Variants in LIMS4 observed in about 807,000 individuals in gnomAD.
The protein encoded by LIMS4 is LIM zinc finger domain containing 4, also known as LIM and senescent cell antigen-like-containing domain protein 4.
At chr2:110,411,107 T>G in the LIMS4 span, among the ~76,000 whole-genome samples, 1 of 33,788 alleles carries the variant, frequency 3.0e-5, no homozygotes, top group South Asian at 1.3e-3. Context: ...TGTTTCACCA[T>G]GTTGGCCAGG....
At chr2:110,371,997 C>A in the LIMS4 span, among the ~76,000 whole-genome samples, 144 of 152,152 alleles carry the variant, frequency 9.5e-4, no homozygotes, top group Non-Finnish European at 2.4e-4. Context: ...TAGGGCCCAG[C>A]TTGCCAGGTG....
the LIMS4 span, among the ~76,000 whole-genome samples, chr2:110,425,621 T>A: frequency 7.0e-6 from 1 of 142,346 alleles, no homozygotes; most frequent in Non-Finnish European, 1.5e-5. Flanking sequence ...CCTTAACCCC[T>A]AAAGAGCAAG....
the LIMS4 span, among the ~76,000 whole-genome samples, chr2:110,365,917 A>C: frequency 5.7e-4 from 85 of 149,230 alleles, no homozygotes; most frequent in Non-Finnish European, 9.7e-4. Context: ...ACAAACTAGA[A>C]AACCTACAAA....
chr2:110,397,539 ATCATGTT>A, the LIMS4 span: 1 of 85,574 alleles, frequency 1.2e-5, no homozygotes, highest in Non-Finnish European at 2.4e-5. Flanking sequence ...GAAGAAAATA[ATCATGTT>A]TCATGGTTTT....
At chr2:110,411,948 T>A in the LIMS4 span, among the ~76,000 whole-genome samples, 1 of 3,862 alleles carries the variant, frequency 2.6e-4, no homozygotes, top group South Asian at 5.8e-3. Flanking sequence ...AACTTCTAAG[T>A]GTCCTGCGTT....
chr2:110,407,362 GGGGGT>G, the LIMS4 span, among the ~76,000 whole-genome samples: 1 of 14,598 alleles, frequency 6.9e-5, no homozygotes, highest in African/African-American at 2.4e-4. Context: ...AGCACCTGTA[GGGGGT>G]GACAGAGAAA....
chr2:110,360,573 T>G, the LIMS4 span: 1 of 908,128 alleles, frequency 1.1e-6, no homozygotes, highest in South Asian at 1.7e-5. Context: ...TATGCCAATG[T>G]GGACAGGGAT....
chr2:110,379,418 TTA>T, the LIMS4 span, among the ~76,000 whole-genome samples: 4 of 132,872 alleles, frequency 3.0e-5, no homozygotes, highest in African/African-American at 1.0e-4. Context: ...ACTGGATTTA[TTA>T]TGTCAGACCT....
the LIMS4 span, chr2:110,360,593 G>A: frequency 1.0e-6 from 1 of 995,322 alleles, no homozygotes; most frequent in South Asian, 1.6e-5. Context: ...TTTTCCTCAT[G>A]GAGCGTCTGT....
the LIMS4 span, chr2:110,359,180 A>G: frequency 6.9e-6 from 1 of 145,546 alleles, no homozygotes; most frequent in African/African-American, 2.6e-5. Flanking sequence ...TCATACAGTT[A>G]TGATGGATGG....
chr2:110,411,507 C>G, the LIMS4 span, among the ~76,000 whole-genome samples: 1 of 136,266 alleles, frequency 7.3e-6, no homozygotes, highest in Non-Finnish European at 1.5e-5. Flanking sequence ...ACTGTTGTCC[C>G]CAGTGATGCT....
At chr2:110,425,263 T>C in the LIMS4 span, among the ~76,000 whole-genome samples, 3 of 142,910 alleles carry the variant, frequency 2.1e-5, no homozygotes, top group African/African-American at 5.8e-5. Flanking sequence ...GGCAAACCTA[T>C]AGTGGGCTAG....
At chr2:110,372,985 AC>A in the LIMS4 span, among the ~76,000 whole-genome samples, 1 of 135,194 alleles carries the variant, frequency 7.4e-6, no homozygotes, top group South Asian at 2.3e-4. Flanking sequence ...TCGACTGTGG[AC>A]CGTGAGAACC....
chr2:110,386,937 G>A, the LIMS4 span: 2 of 697,786 alleles, frequency 2.9e-6, no homozygotes, highest in Non-Finnish European at 5.1e-6. Flanking sequence ...TGCTGGGGGA[G>A]CGGGGACACT....
chr2:110,373,184 A>C, the LIMS4 span, among the ~76,000 whole-genome samples: 2 of 13,462 alleles, frequency 1.5e-4, no homozygotes, highest in Non-Finnish European at 1.2e-4. Context: ...TGTTCCCCCC[A>C]TATCTCCTCC....
At chr2:110,392,494 CAGGT>C in the LIMS4 span, among the ~76,000 whole-genome samples, 1 of 151,320 alleles carries the variant, frequency 6.6e-6, no homozygotes, top group African/African-American at 2.4e-5. Context: ...TGATGAAAAA[CAGGT>C]AGTCCCAGAC....
At chr2:110,382,155 G>T in the LIMS4 span, among the ~76,000 whole-genome samples, 1 of 51,280 alleles carries the variant, frequency 2.0e-5, no homozygotes, top group Admixed American at 2.8e-4. Context: ...ATATATACAT[G>T]TTTGAACATT....
the LIMS4 span, among the ~76,000 whole-genome samples, chr2:110,392,198 C>T: frequency 6.6e-6 from 1 of 151,778 alleles, no homozygotes; most frequent in Non-Finnish European, 1.5e-5. Flanking sequence ...CCCTCTATCT[C>T]TAAGGATGGG....
chr2:110,411,996 C>G, the LIMS4 span, among the ~76,000 whole-genome samples: 7 of 790 alleles, frequency 8.9e-3, no homozygotes, highest in East Asian at 0.026. Context: ...ACAGACTTTA[C>G]TGTAATAAGC....
Sources: allele counts gnomAD v4.1 joint callset (sites outside exome capture counted in the v4.1 genomes callset), GRCh38; gene constraint gnomAD v4.1.1; transcripts MANE v1.5; gene names NCBI Gene and HGNC (gene_info 2026-07-23, HGNC 2026-07-21).